Variants in GPR158 observed in about 807,000 individuals in gnomAD.
The protein encoded by GPR158 is G protein-coupled receptor 158.
In GPR158, 30 loss-of-function variants were observed where a neutral mutation model predicts 78.2. The observed-to-expected ratio is 0.38, with a 90% CI of 0.29 to 0.52. The LOEUF (loss-of-function observed/expected upper bound fraction) is 0.52, where lower values mean the gene tolerates loss of function less well. Ranked by LOEUF, GPR158 falls within the 20% of genes least tolerant of loss-of-function variation. GPR158 has a pLI of 0.83. For synonymous variants in GPR158, 581 were observed against 591.1 expected (o/e 0.98, Z 0.25); for missense variants, 1,463 against 1,523.5 (o/e 0.96, Z 0.66).
intron 1 of GPR158, among the ~76,000 whole-genome samples, chr10:25,199,995 T>C (rs1214515154): frequency 2.0e-5 from 3 of 152,222 alleles, no homozygotes; most frequent in African/African-American, 7.2e-5. Flanking sequence ...TGTGTCTTTA[T>C]GGTACAATGA....
At chr10:25,356,258 C>A (rs1024915065) in intron 2 of GPR158, among the ~76,000 whole-genome samples, 1 of 152,008 alleles carries the variant, frequency 6.6e-6, no homozygotes, top group Non-Finnish European at 1.5e-5. Context: ...CCTGCCTATC[C>A]ACATATTTGA....
chr10:25,374,291 A>C (rs1017728418), intron 2 of GPR158, among the ~76,000 whole-genome samples: 1 of 151,548 alleles, frequency 6.6e-6, no homozygotes. Context: ...AAAGTTGCAG[A>C]AGATATAGAG....
rs1467885814 is a variant in GPR158, at chr10:25,241,141, C to CTT, written c.1008+19986_1008+19987dup. ...TTACTTTGATTTTCTTTCTTTCTTT[C>CTT]TTTCTTTCTTTCTTTCTTTCTTTCT... On this transcript the variant is annotated intron_variant, in intron 2 of 10. Transcript: ENST00000376351. 3.6e-3 allele frequency among the ~76,000 whole-genome samples: 324 copies of CTT among 90,838 alleles called. 3 individuals carry two copies. The highest frequency in any genetic ancestry group is 0.015 in the African/African-American group (313 of 21,496). The allele number at this position is 90,838 out of a possible 152,430, so 59.6% of individuals were successfully genotyped here. A position where few individuals can be genotyped will look rare whatever the true frequency, so the allele number is the denominator to read the frequency against.
At chr10:25,511,865 G>A (rs926357546) in intron 5 of GPR158, among the ~76,000 whole-genome samples, 3 of 152,070 alleles carry the variant, frequency 2.0e-5, no homozygotes, top group African/African-American at 7.2e-5. Flanking sequence ...TTATTTCTGG[G>A]TTCTCTATTC....
At chr10:25,499,524 A>G (rs1835927088) in intron 5 of GPR158, among the ~76,000 whole-genome samples, 1 of 152,232 alleles carries the variant, frequency 6.6e-6, no homozygotes, top group South Asian at 2.1e-4. Context: ...TTGCTTTTGG[A>G]GGATATAGCA....
intron 6 of GPR158, among the ~76,000 whole-genome samples, chr10:25,551,910 A>C (rs966974482): frequency 6.6e-6 from 1 of 152,146 alleles, no homozygotes; most frequent in African/African-American, 2.4e-5. Flanking sequence ...TAAGCCATTC[A>C]TATGTTCATG....
chr10:25,528,548 AAG>A (rs767588379), intron 5 of GPR158, among the ~76,000 whole-genome samples: 115 of 152,238 alleles, frequency 7.6e-4, no homozygotes, highest in Non-Finnish European at 1.5e-3. Flanking sequence ...TAGTACCTAA[AAG>A]CACTAAATAC....
At chr10:25,390,208 T>C (rs977540527) in intron 2 of GPR158, among the ~76,000 whole-genome samples, 1 of 152,176 alleles carries the variant, frequency 6.6e-6, no homozygotes, top group Non-Finnish European at 1.5e-5. Flanking sequence ...TACAGTAAAT[T>C]GGTACCGGTA....
intron 1 of GPR158, among the ~76,000 whole-genome samples, chr10:25,194,230 G>A (rs1852814341): frequency 6.6e-6 from 1 of 152,130 alleles, no homozygotes; most frequent in Admixed American, 6.5e-5. Flanking sequence ...AGAGACTCAA[G>A]GCACAGGAGT....
chr10:25,563,887 C>T (rs1413993403), intron 6 of GPR158, among the ~76,000 whole-genome samples: 4 of 151,926 alleles, frequency 2.6e-5, no homozygotes, highest in Non-Finnish European at 4.4e-5. Flanking sequence ...CTTCAGGTAT[C>T]GTTTCTATTA....
intron 1 of GPR158, among the ~76,000 whole-genome samples, chr10:25,187,470 A>G (rs1302121802): frequency 2.0e-5 from 3 of 151,966 alleles, no homozygotes; most frequent in East Asian, 3.9e-4. Context: ...ATGCAAGGCT[A>G]GTTCAACATA....
At chr10:25,311,093 G>T (rs939318020) in intron 2 of GPR158, among the ~76,000 whole-genome samples, 6 of 151,906 alleles carry the variant, frequency 3.9e-5, no homozygotes, top group Admixed American at 2.6e-4. Context: ...GAAATACAGA[G>T]AATTTTTTAT....
intron 8 of GPR158, among the ~76,000 whole-genome samples, chr10:25,593,248 C>A (rs902538875): frequency 1.3e-5 from 2 of 151,966 alleles, no homozygotes; most frequent in Admixed American, 6.6e-5. Context: ...AGAAAGAAAT[C>A]ATCTTGATGA....
intron 2 of GPR158, among the ~76,000 whole-genome samples, chr10:25,254,895 T>G (rs1853871260): frequency 6.6e-6 from 1 of 152,214 alleles, no homozygotes; most frequent in African/African-American, 2.4e-5. Context: ...GTTAGTTGAT[T>G]TGGAGGCTCA....
intron 2 of GPR158, among the ~76,000 whole-genome samples, chr10:25,343,081 G>T (rs1410109492): frequency 6.6e-6 from 1 of 151,910 alleles, no homozygotes; most frequent in Non-Finnish European, 1.5e-5. Context: ...TCCTAGTGAG[G>T]TTTACATCTT....
At chr10:25,466,803 CACAT>C (rs55977525) in intron 5 of GPR158, 84 bp downstream of exon 5, 231,203 of 598,886 alleles carry the variant, frequency 0.39, 35,706 homozygotes, top group East Asian at 0.65. Flanking sequence ...CACACACACA[CACAT>C]ACACACACCC....
intron 2 of GPR158, among the ~76,000 whole-genome samples, chr10:25,363,280 T>C (rs1855669841): frequency 6.6e-6 from 1 of 151,984 alleles, no homozygotes; most frequent in Non-Finnish European, 1.5e-5. Flanking sequence ...TTGATGTCTT[T>C]TCAGATTCTG....
intron 2 of GPR158, among the ~76,000 whole-genome samples, chr10:25,374,984 G>A (rs906904988): frequency 6.6e-6 from 1 of 151,674 alleles, no homozygotes; most frequent in Non-Finnish European, 1.5e-5. Flanking sequence ...TTTCAGAGTG[G>A]TTGTACCATT....
intron 6 of GPR158, among the ~76,000 whole-genome samples, chr10:25,561,238 T>A (rs1478614052): frequency 6.6e-6 from 1 of 152,180 alleles, no homozygotes; most frequent in Non-Finnish European, 1.5e-5. Context: ...ACCAAAATGT[T>A]ATATTAAATA....
Sources: gnomAD v4.1 joint callset for allele counts (sites outside exome capture counted in the v4.1 genomes callset) on GRCh38, gnomAD v4.1.1 for gene constraint, MANE v1.5 for transcripts, NCBI Gene and HGNC (gene_info 2026-07-23, HGNC 2026-07-21) for gene names.